Variants in LONP1 observed in about 807,000 individuals in gnomAD.
The protein encoded by LONP1 is lon peptidase 1, mitochondrial.
Under a neutral mutation model 98.5 loss-of-function variants are expected in LONP1, and 31 were observed. The observed-to-expected ratio is 0.31, with a 90% confidence interval of 0.24 to 0.42. The LOEUF is 0.42. Ranked by LOEUF, LONP1 falls within the 20% of genes least tolerant of loss-of-function variation. The pLI is 1.00. For synonymous variants in LONP1, 781 were observed against 594.7 expected, an observed-to-expected ratio of 1.31 and a Z score of -4.56; for missense variants, 1,336 against 1,350.6, an observed-to-expected ratio of 0.99 and a Z score of 0.17.
At chr19:5,715,643 T>TAAAAAAAAAAAAA (rs527565499) in intron 1 of LONP1, among the ~76,000 whole-genome samples, 1 of 31,092 alleles carries the variant, frequency 3.2e-5, no homozygotes, top group African/African-American at 1.3e-4. Flanking sequence ...CTCTGTCTCA[T>TAAAAAAAAAAAAA]AAAAAAAAAA....
chr19:5,702,277 G>A (rs1229270519), intron 8 of LONP1, among the ~76,000 whole-genome samples: 11 of 135,806 alleles, frequency 8.1e-5, no homozygotes, highest in African/African-American at 2.8e-4. Flanking sequence ...CCCCCCACCA[G>A]GCCAGCTGCC....
chr19:5,703,968 C>T (rs1034800406), intron 8 of LONP1, among the ~76,000 whole-genome samples: 2 of 152,178 alleles, frequency 1.3e-5, no homozygotes, highest in African/African-American at 2.4e-5. Flanking sequence ...AGAAGAACCC[C>T]GAAAACATCT....
Position 5,714,232 on chromosome 19 carries a change from C to T in LONP1, c.469G>A (p.Val157Ile), listed in dbSNP as rs1164187478. ...CCGACATAAGGCTGGGCGAGACGAA[C>T]TTTCCTTCTCAGCAGCTCAACCAAC... ...KKLVELLRRK[V>I]RLAQPYVGVF... The change falls in exon 2 of 18, where the codon GTT (valine) becomes ATT (isoleucine). Residue 157 changes from valine (V) to isoleucine (I), a missense_variant. Val to Ile is a conservative substitution (Grantham distance 29). Coordinates refer to ENST00000360614, the MANE Select transcript of LONP1 (RefSeq NM_004793.4). 6.2e-7 allele frequency: 1 copy of T among 1,613,994 alleles called. No homozygotes were observed. The highest frequency in any genetic ancestry group is 8.5e-7 in the Non-Finnish European group (1 of 1,179,996).
chr19:5,707,197 T>C (rs906812781), intron 6 of LONP1, 54 bp from the exon 7 acceptor site: 8 of 1,459,132 alleles, frequency 5.5e-6, no homozygotes, highest in African/African-American at 4.2e-5. Context: ...TCTGTGTGTG[T>C]AGGGCCGAGG....
intron 1 of LONP1, among the ~76,000 whole-genome samples, chr19:5,716,297 T>G: frequency 8.3e-6 from 1 of 120,164 alleles, no homozygotes; most frequent in South Asian, 2.6e-4. Flanking sequence ...TATATATATA[T>G]ATAGTAATGG....
At chr19:5,713,859 G>C (rs373727315) in intron 2 of LONP1, among the ~76,000 whole-genome samples, 1 of 152,102 alleles carries the variant, frequency 6.6e-6, no homozygotes, top group Admixed American at 6.6e-5. Flanking sequence ...CCCCACGCCC[G>C]GCCCATGGAA....
intron 11 of LONP1, 121 bp from the exon 12 acceptor site, chr19:5,696,492 TGGAC>T: frequency 7.1e-7 from 1 of 1,412,812 alleles, no homozygotes; most frequent in Non-Finnish European, 9.6e-7. Context: ...CACCCTGCCT[TGGAC>T]GGGCAGCCTG....
chr19:5,701,303 GCCTCTGCCTCTGC>G (rs928214696), intron 8 of LONP1, among the ~76,000 whole-genome samples: 27 of 148,024 alleles, frequency 1.8e-4, no homozygotes, highest in Non-Finnish European at 3.2e-4. Flanking sequence ...AAATGCTTCT[GCCTCTGCCTCTGC>G]CCTCTGCCTC....
intron 10 of LONP1, 73 bp downstream of exon 10, chr19:5,698,954 G>A (rs1413846081): frequency 4.1e-6 from 6 of 1,461,518 alleles, no homozygotes; most frequent in South Asian, 1.3e-5. Flanking sequence ...ATGTTAAAGG[G>A]TGACCGGAGA....
chr19:5,693,854 C>G (rs1472836256), intron 15 of LONP1, 85 bp from the exon 16 acceptor site: 7 of 1,141,174 alleles, frequency 6.1e-6, no homozygotes, highest in Non-Finnish European at 8.8e-6. Context: ...ACTCTGACCG[C>G]TCCTGCCCCA....
intron 5 of LONP1, 194 bp from the exon 6 acceptor site, chr19:5,708,020 A>ATGCAGCATCCTCACG: frequency 1.5e-6 from 1 of 667,350 alleles, no homozygotes; most frequent in Non-Finnish European, 2.5e-6. Context: ...CTGGAAAGGC[A>ATGCAGCATCCTCACG]TGCAGCATCC....
intron 8 of LONP1, among the ~76,000 whole-genome samples, chr19:5,701,780 G>A (rs2055049096): frequency 6.6e-6 from 1 of 151,824 alleles, no homozygotes; most frequent in South Asian, 2.1e-4. Context: ...GAGCGTCTCT[G>A]CCTGGCCGCC....
Position 5,696,709 on chromosome 19 carries a change from C to T in LONP1, c.1734G>A (p.Lys578=), listed in dbSNP as rs748250841. 6.2e-7 allele frequency: 1 copy of T among 1,613,678 alleles called. No homozygotes were observed. Among genetic ancestry groups the T allele is most frequent in the Admixed American group, 1.7e-5 (1 of 60,008 alleles). ...TCAGGGGGTTCTCCGTCTTGGTCTT[C>T]TTCAAACACTGGATGATCTTCCCGG... ...AMPGKIIQCL[K]KTKTENPLIL... The change falls in exon 11 of 18, where the codon AAG becomes AAA. Residue 578 remains lysine (K), a synonymous_variant. Transcript: ENST00000360614.
intron 1 of LONP1, among the ~76,000 whole-genome samples, chr19:5,716,448 C>CA (rs2055324942): frequency 6.6e-6 from 1 of 150,736 alleles, no homozygotes; most frequent in Admixed American, 6.6e-5. Context: ...CACATGATGC[C>CA]GATGCTGCTG....
rs1356927232 is a variant in LONP1 at position 5,693,764 on chromosome 19, A to T, written c.2326T>A (p.Ser776Thr). Residue 776 changes from serine (S) to threonine (T), a missense_variant, in exon 16 of 18, where the codon TCC (serine) becomes ACC (threonine). Physicochemically the swap from Ser to Thr is moderately conservative, Grantham distance 58 (BLOSUM62 1). Around this residue, in one of 5 missense-constraint regions of LONP1, gnomAD observed 555 missense variants for 542.6 expected, o/e 1.02. Coordinates refer to ENST00000360614, the MANE Select transcript of LONP1 (RefSeq NM_004793.4). ...MGLAWTAMGG[S>T]TLFVETSLRR... Reference sequence around the variant, plus strand: ...AGGGATGTCTCCACAAACAGCGTGGAGCCTCCTGAAACAGGTGTGGAGCTG... The same window carrying T: ...AGGGATGTCTCCACAAACAGCGTGGTGCCTCCTGAAACAGGTGTGGAGCTG... 6.2e-7 allele frequency: 1 copy of T among 1,613,296 alleles called. No individual in the cohort carries two copies. The highest frequency in any genetic ancestry group is 1.7e-5 in the Admixed American group (1 of 59,980).
intron 3 of LONP1, chr19:5,712,210 A>G: frequency 1.8e-6 from 1 of 560,880 alleles, no homozygotes; most frequent in Non-Finnish European, 3.2e-6. Flanking sequence ...CTTAGACTCC[A>G]GCCAGATTCA....
In LONP1 at chr19:5,696,357, G is replaced by A. The variant is rs1441133479; in HGVS notation, c.1788C>T (p.Gly596=). The A allele has an allele frequency of 3.7e-6, 6 of 1,613,018 alleles. No individual in the cohort carries two copies. The highest frequency in any genetic ancestry group is 5.1e-6 in the Non-Finnish European group (6 of 1,179,808). The change falls in exon 12 of 18, where the codon GGC becomes GGT. Residue 596 remains glycine (G), a synonymous_variant. Coordinates refer to ENST00000360614, the MANE Select transcript of LONP1 (RefSeq NM_004793.4). The part of the protein sequence containing the change: ...LILIDEVDKI[G]RGYQGDPSSA... Reference sequence around the variant, plus strand: ...ACGACGGGTCCCCCTGGTAGCCTCGGCCGATCTTGTCCACCTGGGGCAGCA... The same window carrying A: ...ACGACGGGTCCCCCTGGTAGCCTCGACCGATCTTGTCCACCTGGGGCAGCA...
At chr19:5,698,081 C>G (rs905759317) in intron 10 of LONP1, among the ~76,000 whole-genome samples, 50 of 149,860 alleles carry the variant, frequency 3.3e-4, no homozygotes, top group Non-Finnish European at 6.7e-4. Context: ...ACACCCCCCA[C>G]CCCCTAGTCA....
chr19:5,701,349 T>C (rs1944582007), intron 8 of LONP1, among the ~76,000 whole-genome samples: 1 of 152,058 alleles, frequency 6.6e-6, no homozygotes, highest in African/African-American at 2.4e-5. Context: ...GGTCTCCCCT[T>C]TCCCTCTTTC....
Sources: allele counts gnomAD v4.1 joint callset (sites outside exome capture counted in the v4.1 genomes callset), GRCh38; gene constraint gnomAD v4.1.1; regional missense constraint gnomAD v4.1.1; transcripts MANE v1.5; gene names NCBI Gene and HGNC (gene_info 2026-07-23, HGNC 2026-07-21).